Variants in YAP1 observed in about 807,000 individuals in gnomAD.
YAP1 encodes transcriptional coactivator YAP1.
A neutral mutation model predicts 56.9 loss-of-function variants in YAP1; 5 were observed. That is an observed-to-expected ratio of 0.09 (90% CI 0.05 to 0.18). The LOEUF is 0.18. Ranked by LOEUF, YAP1 falls within the 10% of genes least tolerant of loss-of-function variation. YAP1 has a pLI of 1.00. For synonymous variants in YAP1, 265 were observed against 248.1 expected (o/e 1.07, Z -0.64); for missense variants, 539 against 651.8 (o/e 0.83, Z 1.88).
intron 2 of YAP1, among the ~76,000 whole-genome samples, chr11:102,156,231 C>A (rs1330726087): frequency 6.6e-6 from 1 of 152,166 alleles, no homozygotes; most frequent in East Asian, 1.9e-4. Context: ...CACCAACCAT[C>A]TTTTGAAGAG....
intron 2 of YAP1, among the ~76,000 whole-genome samples, chr11:102,145,939 C>T (rs1386395645): frequency 2.0e-5 from 3 of 152,186 alleles, no homozygotes; most frequent in African/African-American, 7.2e-5. Context: ...AAGCTGCTGT[C>T]TGCCAGAGAG....
chr11:102,176,745 C>CAAAAAAAAAAAAAAAAA lies in YAP1; in HGVS notation c.689-9258_689-9242dup. Among the ~76,000 whole-genome samples the CAAAAAAAAAAAAAAAAA allele has an allele frequency of 1.2e-3, 53 of 45,510 alleles. 1 individual carries two copies. The highest frequency in any genetic ancestry group is 1.7e-3 in the East Asian group (2 of 1,208). 29.9% of individuals were successfully genotyped at this position (45,510 alleles called of 152,430 possible). ...TGGGCAACAGAGTAAGACTCCGTCT[C>CAAAAAAAAAAAAAAAAA]AAAAAAAAAAAAAAAAAAAAAAAAA... On this transcript the variant is annotated intron_variant, in intron 3 of 8. Transcript: ENST00000282441.
At chr11:102,149,217 G>A (rs1050377758) in intron 2 of YAP1, among the ~76,000 whole-genome samples, 1 of 152,218 alleles carries the variant, frequency 6.6e-6, no homozygotes, top group African/African-American at 2.4e-5. Flanking sequence ...AGCACATTTA[G>A]ATAGGAGATC....
At chr11:102,189,913 T>C (rs1948186022) in intron 4 of YAP1, among the ~76,000 whole-genome samples, 1 of 152,240 alleles carries the variant, frequency 6.6e-6, no homozygotes, top group Non-Finnish European at 1.5e-5. Flanking sequence ...TTCATTAACA[T>C]TTTTTCTTTT....
intron 3 of YAP1, among the ~76,000 whole-genome samples, chr11:102,175,703 T>C (rs995592318): frequency 6.6e-6 from 1 of 152,232 alleles, no homozygotes; most frequent in African/African-American, 2.4e-5. Flanking sequence ...GTTACCGTAC[T>C]GAAGACTGTA....
chr11:102,110,742 G>A lies in YAP1; in HGVS notation c.-107G>A, dbSNP rs1288694668. 9.4e-6 allele frequency: 10 copies of A among 1,066,510 alleles called. No individual in the cohort carries two copies. Among genetic ancestry groups the A allele is most frequent in the Middle Eastern group, 3.7e-4 (1 of 2,698 alleles). The allele number at this position is 1,066,510 out of a possible 1,614,324, so 66.1% of individuals were successfully genotyped here. The stretch of plus-strand genomic sequence containing the variant: ...CTGAGAGCGAGGACAGCGCCGCCCG[G>A]CCCGCAGCCGTCGCCGCTTCTCCAC... On this transcript the variant is annotated 5_prime_UTR_variant, in exon 1 of 9. Transcript: ENST00000282441.
chr11:102,219,330 AATAATTACGAT>A (rs1165458338), intron 6 of YAP1, among the ~76,000 whole-genome samples: 1 of 152,158 alleles, frequency 6.6e-6, no homozygotes, highest in African/African-American at 2.4e-5. Context: ...GTACAGCAAA[AATAATTACGAT>A]ATTTTGTGAT....
chr11:102,111,084 A>C lies in YAP1; in HGVS notation c.236A>C (p.Asn79Thr). 6.2e-7 allele frequency: 1 copy of C among 1,613,364 alleles called. No individual in the cohort carries two copies. The highest frequency in any genetic ancestry group is 2.2e-5 in the East Asian group (1 of 44,772). ...FNAVMNPKTA[N>T]VPQTVPMRLR... The stretch of plus-strand genomic sequence containing the variant: ...GCCGTCATGAACCCCAAGACGGCCA[A>C]CGTGCCCCAGACCGTGCCCATGAGG... Residue 79 changes from asparagine (N) to threonine (T), a missense_variant, in exon 1 of 9, where the codon AAC becomes ACC. Transcript: ENST00000282441.
chr11:102,182,509 T>C (rs766383878), intron 3 of YAP1, among the ~76,000 whole-genome samples: 2 of 152,230 alleles, frequency 1.3e-5, no homozygotes, highest in Non-Finnish European at 2.9e-5. Flanking sequence ...TCATGGTTAT[T>C]CAACAGTTAG....
At chr11:102,183,740 T>TGTGTGTGTGTGTGTGTGTG (rs1947774640) in intron 3 of YAP1, among the ~76,000 whole-genome samples, 1 of 81,658 alleles carries the variant, frequency 1.2e-5, no homozygotes, top group African/African-American at 4.7e-5. Context: ...GTGTGTGTGT[T>TGTGTGTGTGTGTGTGTGTG]TAAACCACAT....
At chr11:102,139,451 A>G (rs1944877789) in intron 2 of YAP1, among the ~76,000 whole-genome samples, 1 of 152,144 alleles carries the variant, frequency 6.6e-6, no homozygotes, top group Non-Finnish European at 1.5e-5. Flanking sequence ...GTTCAAAACT[A>G]CTGCTGTGCA....
chr11:102,214,053 G>T (rs1480499066), intron 6 of YAP1, among the ~76,000 whole-genome samples: 1 of 152,126 alleles, frequency 6.6e-6, no homozygotes, highest in South Asian at 2.1e-4. Context: ...CTCCAGCCTG[G>T]GTGACAGAGT....
chr11:102,198,929 A>G (rs966256246), intron 4 of YAP1, among the ~76,000 whole-genome samples: 1 of 152,204 alleles, frequency 6.6e-6, no homozygotes, highest in Non-Finnish European at 1.5e-5. Flanking sequence ...AGGAAAGAGA[A>G]ACATGCATAT....
At chr11:102,198,337 C>A (rs932743948) in intron 4 of YAP1, among the ~76,000 whole-genome samples, 1 of 152,162 alleles carries the variant, frequency 6.6e-6, no homozygotes, top group Admixed American at 6.5e-5. Flanking sequence ...CTTTTGGTAT[C>A]TAATTCTGGG....
At chr11:102,192,300 C>A (rs1259438089) in intron 4 of YAP1, among the ~76,000 whole-genome samples, 1 of 152,182 alleles carries the variant, frequency 6.6e-6, no homozygotes, top group Non-Finnish European at 1.5e-5. Flanking sequence ...ACTCACTTCT[C>A]TGGATGTCCT....
rs1259045566 is a variant in YAP1, at chr11:102,233,151, T to TA, written c.*3212dup. On this transcript the variant is annotated 3_prime_UTR_variant, in exon 9 of 9. Coordinates refer to ENST00000282441, the MANE Select transcript of YAP1 (RefSeq NM_001130145.3). ...GATTTTATCCTCGCAAGCATGTTGT[T>TA]ATAAGAATTGTGGGTGTGCCTATCA... The TA allele has an allele frequency of 1.3e-5, 2 of 152,238 alleles. No individual in the cohort carries two copies. Among genetic ancestry groups the TA allele is most frequent in the Non-Finnish European group, 2.9e-5 (2 of 68,042 alleles). 9.4% of individuals were successfully genotyped at this position (152,238 alleles called of 1,614,324 possible).
chr11:102,171,400 A>G (rs1225394050), intron 3 of YAP1, among the ~76,000 whole-genome samples: 1 of 152,244 alleles, frequency 6.6e-6, no homozygotes, highest in Non-Finnish European at 1.5e-5. Context: ...TTGCAACAGT[A>G]CTCACAGTTT....
chr11:102,172,132 G>A (rs555038345), intron 3 of YAP1, among the ~76,000 whole-genome samples: 27 of 151,142 alleles, frequency 1.8e-4, no homozygotes, highest in African/African-American at 5.4e-4. Flanking sequence ...GGCAGAAGTT[G>A]CAGTGAGCTG....
intron 5 of YAP1, among the ~76,000 whole-genome samples, chr11:102,207,070 TAAATC>T (rs1949157879): frequency 6.6e-6 from 1 of 152,174 alleles, no homozygotes; most frequent in South Asian, 2.1e-4. Flanking sequence ...TCAGAGTGGT[TAAATC>T]TACTAAGTTC....
Sources: allele counts gnomAD v4.1 joint callset (sites outside exome capture counted in the v4.1 genomes callset), GRCh38; gene constraint gnomAD v4.1.1; transcripts MANE v1.5; gene names NCBI Gene and HGNC (gene_info 2026-07-23, HGNC 2026-07-21).